Variants in STXBP3 observed in about 807,000 individuals in gnomAD.
STXBP3 encodes the protein syntaxin binding protein 3, also known as syntaxin-binding protein 3.
Under a neutral mutation model 85.7 loss-of-function variants are expected in STXBP3, and 41 were observed. The observed-to-expected ratio is 0.48, with a 90% CI of 0.37 to 0.62. The LOEUF (loss-of-function observed/expected upper bound fraction) is 0.62. Among genes scored for constraint, STXBP3 ranks in the 20% least tolerant of loss-of-function variants. The probability of loss-of-function intolerance (pLI) is 0.00; values close to 1 mark genes in which losing one functional copy is unlikely to be tolerated. For missense variants in STXBP3, 563 were observed against 703.1 expected, an observed-to-expected ratio of 0.80 and a Z score of 2.25; for synonymous variants, 229 against 231.7, an observed-to-expected ratio of 0.99 and a Z score of 0.10.
chr1:108,760,916 T>C lies in STXBP3; in HGVS notation c.438+831T>C, dbSNP rs564276280. Among the ~76,000 whole-genome samples the C allele has an allele frequency of 6.6e-5, 10 of 152,300 alleles. No individual in the cohort carries two copies. In the South Asian group the frequency reaches 1.9e-3, roughly 28 times the overall value. On this transcript the variant is annotated intron_variant, in intron 6 of 18. Coordinates refer to ENST00000370008, the MANE Select transcript of STXBP3 (RefSeq NM_007269.4). ...GGTTTTTTGTTTTTGTTTTTTTCTT[T>C]TTTTGAGACTGAGTTTCGCTTTTGT...
At position 108,793,654 on chromosome 1, in the gene STXBP3, A is replaced by G. The variant is rs1407209048; in HGVS notation, c.1029+7A>G. Reference sequence around the variant, plus strand: ...CCGAAAACAGATTACTAAGGTAAGCAGTATTGTATATGAGATACCTGATTA... The same window carrying G: ...CCGAAAACAGATTACTAAGGTAAGCGGTATTGTATATGAGATACCTGATTA... On this transcript the variant is annotated splice_region_variant and intron_variant, in intron 12 of 18. Coordinates refer to ENST00000370008, the MANE Select transcript of STXBP3 (RefSeq NM_007269.4). 1.9e-6 allele frequency: 3 copies of G among 1,607,186 alleles called. No homozygotes were observed. The African/African-American group carries it at 4.0e-5, about 22-fold the overall frequency.
intron 1 of STXBP3, among the ~76,000 whole-genome samples, chr1:108,751,847 T>G (rs1661912734): frequency 6.6e-6 from 1 of 152,192 alleles, no homozygotes; most frequent in Non-Finnish European, 1.5e-5. Context: ...TAAATCAGTA[T>G]GAAAAATGTT....
chr1:108,802,617 C>T (rs947011874), intron 17 of STXBP3, among the ~76,000 whole-genome samples: 1 of 152,160 alleles, frequency 6.6e-6, no homozygotes, highest in South Asian at 2.1e-4. Context: ...ATATTCACCA[C>T]CACCGTTCTT....
At position 108,794,800 on chromosome 1, in the gene STXBP3, A is replaced by G. The variant is rs118157579; in HGVS notation, c.1030-27A>G. On this transcript the variant is annotated intron_variant, in intron 12 of 18. Transcript: ENST00000370008. ...TGCACAAAAGTCATTAAAATCCTTT[A>G]AATGATTGATTTCTTCTGTTTTTCA... 979 of 1,588,060 alleles carry G rather than the reference A, an allele frequency of 6.2e-4. 15 individuals carry two copies. The East Asian group carries it at 0.019, about 31-fold the overall frequency.
intron 11 of STXBP3, among the ~76,000 whole-genome samples, chr1:108,785,190 T>G (rs1022981876): frequency 6.6e-6 from 1 of 152,228 alleles, no homozygotes; most frequent in Non-Finnish European, 1.5e-5. Flanking sequence ...CACATTTCCC[T>G]TCTGCACTAC....
intron 12 of STXBP3, among the ~76,000 whole-genome samples, chr1:108,794,585 C>G (rs757983976): frequency 2.6e-5 from 4 of 152,204 alleles, no homozygotes; most frequent in Non-Finnish European, 5.9e-5. Context: ...TCAGGTCCCT[C>G]CCACAACACA....
intron 15 of STXBP3, 107 bp downstream of exon 15, chr1:108,796,833 A>G (rs772483192): frequency 5.9e-6 from 4 of 681,198 alleles, no homozygotes; most frequent in East Asian, 3.3e-5. Context: ...AGTTCACTCT[A>G]TAGATTTTGA....
intron 6 of STXBP3, among the ~76,000 whole-genome samples, chr1:108,760,963 G>T (rs1021513157): frequency 2.0e-5 from 3 of 152,062 alleles, no homozygotes; most frequent in African/African-American, 7.2e-5. Flanking sequence ...GAGTGCAATG[G>T]CGCAATCTTG....
Position 108,787,221 on chromosome 1 carries a change from T to G in STXBP3, c.963+4515T>G, listed in dbSNP as rs749882510. Among the ~76,000 whole-genome samples the G allele has an allele frequency of 9.2e-5, 14 of 152,006 alleles. No homozygotes were observed. In the South Asian group the frequency reaches 1.5e-3, roughly 16 times the overall value. Reference sequence around the variant, plus strand: ...CTGAATTCAAGCAATCCCCCCACCCTTGCCTCCCTAGTAGCTGGGACTACA... The same window carrying G: ...CTGAATTCAAGCAATCCCCCCACCCGTGCCTCCCTAGTAGCTGGGACTACA... On this transcript the variant is annotated intron_variant, in intron 11 of 18. Coordinates refer to ENST00000370008, the MANE Select transcript of STXBP3 (RefSeq NM_007269.4).
chr1:108,800,453 A>C, intron 17 of STXBP3, 148 bp downstream of exon 17: 1 of 571,652 alleles, frequency 1.7e-6, no homozygotes, highest in Non-Finnish European at 3.1e-6. Context: ...AAATGAATCC[A>C]GATAAGCAAT....
intron 1 of STXBP3, among the ~76,000 whole-genome samples, chr1:108,748,074 GA>G (rs1209546805): frequency 6.6e-6 from 1 of 151,996 alleles, no homozygotes; most frequent in Non-Finnish European, 1.5e-5. Context: ...TCCTCATACA[GA>G]TAAAGACATT....
At chr1:108,753,321 C>G (rs1431330922) in intron 3 of STXBP3, 177 bp downstream of exon 3, 37 of 339,986 alleles carry the variant, frequency 1.1e-4, no homozygotes, top group Non-Finnish European at 1.8e-4. Flanking sequence ...TTCCCTCAGC[C>G]GAGACATATA....
chr1:108,791,137 T>C (rs1197707639), intron 11 of STXBP3, among the ~76,000 whole-genome samples: 2 of 152,198 alleles, frequency 1.3e-5, no homozygotes, highest in Non-Finnish European at 2.9e-5. Context: ...GAATTCAAAG[T>C]TGGCAATTTT....
chr1:108,795,230 C>T (rs1378818606), intron 13 of STXBP3, among the ~76,000 whole-genome samples: 1 of 152,112 alleles, frequency 6.6e-6, no homozygotes, highest in Non-Finnish European at 1.5e-5. Context: ...TAGCATCCAG[C>T]AGAGCTCATT....
chr1:108,797,631 C>G (rs1663135729), intron 15 of STXBP3, among the ~76,000 whole-genome samples: 1 of 152,116 alleles, frequency 6.6e-6, no homozygotes, highest in Non-Finnish European at 1.5e-5. Flanking sequence ...TGCTCTCAAA[C>G]TCCTGACCTC....
chr1:108,803,599 G>A lies in STXBP3; in HGVS notation c.1535+3294G>A, dbSNP rs180930886. On this transcript the variant is annotated intron_variant, in intron 17 of 18. Transcript: ENST00000370008. ...TGCCTCCCGGACTCAAGCAGTCCTC[G>A]TGTCTCAGCCTCCTGACTAGCTGGG... Among the ~76,000 whole-genome samples the A allele has an allele frequency of 1.1e-3, 172 of 152,172 alleles. 2 individuals carry two copies. The highest frequency in any genetic ancestry group is 1.1e-3 in the African/African-American group (44 of 41,548).
chr1:108,800,258 A>G lies in STXBP3; in HGVS notation c.1488A>G (p.Pro496=), dbSNP rs1436692757. Residue 496 remains proline, a synonymous_variant, in exon 17 of 19, where the codon CCA becomes CCG. Coordinates refer to ENST00000370008, the MANE Select transcript of STXBP3 (RefSeq NM_007269.4). ...IDNRLDSKEW[P]YCSQCPAVWN... ...ATAGATTAGATTCAAAAGAATGGCC[A>G]TATTGTTCCCAGTGTCCAGCAGTAT... 6.8e-6 allele frequency: 11 copies of G among 1,612,692 alleles called. No individual in the cohort carries two copies. The highest frequency in any genetic ancestry group is 1.1e-5 in the South Asian group (1 of 91,046).
intron 17 of STXBP3, among the ~76,000 whole-genome samples, chr1:108,803,338 C>T (rs1160971118): frequency 6.6e-6 from 1 of 152,168 alleles, no homozygotes; most frequent in Non-Finnish European, 1.5e-5. Context: ...TTTTACCCCC[C>T]ATATTACTAA....
intron 1 of STXBP3, among the ~76,000 whole-genome samples, chr1:108,747,011 G>T (rs1263734038): frequency 7.0e-6 from 1 of 143,218 alleles, no homozygotes; most frequent in Admixed American, 6.9e-5. Flanking sequence ...GTTGGCGTCG[G>T]GCACCCCCTC....
Sources: gnomAD v4.1 joint callset for allele counts (sites outside exome capture counted in the v4.1 genomes callset) on GRCh38, gnomAD v4.1.1 for gene constraint, MANE v1.5 for transcripts, NCBI Gene and HGNC (gene_info 2026-07-23, HGNC 2026-07-21) for gene names.